The following BLACAT1 variants were observed in gnomAD, a reference collection of about 807,000 sequenced individuals.
The protein encoded by BLACAT1 is bladder cancer associated transcript 1.
At chr1:205,443,177 T>C (rs774214357) in intron 1 of BLACAT1, among the ~76,000 whole-genome samples, 1 of 151,960 alleles carries the variant, frequency 6.6e-6, no homozygotes, top group Non-Finnish European at 1.5e-5. Context: ...TGGGGAGAAA[T>C]TGACAGGCAC....
Position 205,444,954 on chromosome 1 carries a change from C to T in BLACAT1, c.-36-3892G>A, listed in dbSNP as rs545122614. Among the ~76,000 whole-genome samples, 155 of 151,214 alleles carry T rather than the reference C, an allele frequency of 1.0e-3. 1 individual carries two copies. Among genetic ancestry groups the T allele is most frequent in the African/African-American group, 3.6e-3 (150 of 41,126 alleles). On this transcript the variant is annotated intron_variant, in intron 1 of 1. Transcript: ENST00000629624. Reference sequence around the variant, plus strand: ...CCCAGTAAGGAGGGTGTGCCCTCGACGCCTCTAGAACAAAGCTGAGCCCTC... The same window carrying T: ...CCCAGTAAGGAGGGTGTGCCCTCGATGCCTCTAGAACAAAGCTGAGCCCTC...
chr1:205,440,872 C>A (rs1666281523), exon 2 of BLACAT1: 1 of 152,332 alleles, frequency 6.6e-6, no homozygotes, highest in Admixed American at 6.5e-5. Flanking sequence ...CAGAAGCAGG[C>A]ACCATCAGGC....
chr1:205,443,610 G>A (rs1264532745), intron 1 of BLACAT1, among the ~76,000 whole-genome samples: 1 of 152,156 alleles, frequency 6.6e-6, no homozygotes, highest in African/African-American at 2.4e-5. Flanking sequence ...GTATCTAAGA[G>A]TAGAAAGTAT....
downstream of BLACAT1, among the ~76,000 whole-genome samples, chr1:205,439,221 G>A (rs1666254804): frequency 6.6e-6 from 1 of 152,194 alleles, no homozygotes; most frequent in East Asian, 1.9e-4. Context: ...TCTGTCCTTT[G>A]TGACCCCACT....
At chr1:205,438,108 C>A (rs564799180), downstream of BLACAT1, among the ~76,000 whole-genome samples, 1 of 152,304 alleles carries the variant, frequency 6.6e-6, no homozygotes, top group East Asian at 1.9e-4. Context: ...CACAAGGACC[C>A]CAAGCACCCT....
exon 2 of BLACAT1, chr1:205,440,935 G>A (rs1048703912): frequency 2.4e-4 from 37 of 152,482 alleles, no homozygotes; most frequent in African/African-American, 7.7e-4. Context: ...TCACACCGCC[G>A]TCTCCCGCTC....
At chr1:205,455,714 G>A (rs1558749009) in intron 1 of BLACAT1, among the ~76,000 whole-genome samples, 1 of 152,050 alleles carries the variant, frequency 6.6e-6, no homozygotes, top group Admixed American at 6.5e-5. Flanking sequence ...ACCTAGGGCG[G>A]CGGCTGACGC....
intron 1 of BLACAT1, among the ~76,000 whole-genome samples, chr1:205,444,254 CCA>C (rs1235676997): frequency 3.9e-5 from 6 of 152,126 alleles, no homozygotes; most frequent in Non-Finnish European, 7.4e-5. Context: ...CCTCCTGCTA[CCA>C]CACAGTTGGC....
chr1:205,451,301 C>T (rs544980567), intron 1 of BLACAT1, among the ~76,000 whole-genome samples: 2 of 152,328 alleles, frequency 1.3e-5, no homozygotes, highest in African/African-American at 4.8e-5. Flanking sequence ...TCCCCCACAC[C>T]TACCACCAGT....
At chr1:205,442,881 G>A (rs1343268131) in intron 1 of BLACAT1, among the ~76,000 whole-genome samples, 1 of 152,184 alleles carries the variant, frequency 6.6e-6, no homozygotes, top group African/African-American at 2.4e-5. Context: ...TAGGTGGCCT[G>A]GGTTCTATTC....
At chr1:205,453,638 A>G (rs1467440959) in intron 1 of BLACAT1, among the ~76,000 whole-genome samples, 2 of 152,182 alleles carry the variant, frequency 1.3e-5, no homozygotes, top group Non-Finnish European at 2.9e-5. Flanking sequence ...GAAGATAGCA[A>G]GAGACCCAGG....
intron 1 of BLACAT1, among the ~76,000 whole-genome samples, chr1:205,454,870 A>G (rs1666544149): frequency 1.3e-5 from 2 of 152,302 alleles, no homozygotes; most frequent in African/African-American, 4.8e-5. Flanking sequence ...TATGTAAAAA[A>G]AAAAAAATCG....
chr1:205,454,109 A>G (rs1163104530), intron 1 of BLACAT1, among the ~76,000 whole-genome samples: 1 of 152,154 alleles, frequency 6.6e-6, no homozygotes, highest in African/African-American at 2.4e-5. Context: ...GGCTTCAGGG[A>G]CACCACTCAT....
exon 2 of BLACAT1, chr1:205,440,677 TC>T (rs1200604295): frequency 6.6e-6 from 1 of 152,498 alleles, no homozygotes; most frequent in African/African-American, 2.4e-5. Context: ...GTCCTGGGGT[TC>T]CCCCTTGTGT....
intron 1 of BLACAT1, among the ~76,000 whole-genome samples, chr1:205,455,600 G>A (rs1018251292): frequency 6.6e-6 from 1 of 152,160 alleles, no homozygotes; most frequent in African/African-American, 2.4e-5. Context: ...GGCTACCTCC[G>A]GAGCCAAGGC....
chr1:205,444,136 C>G (rs1020580386), intron 1 of BLACAT1, among the ~76,000 whole-genome samples: 2 of 152,214 alleles, frequency 1.3e-5, no homozygotes, highest in East Asian at 3.9e-4. Flanking sequence ...CATCCTCCCC[C>G]TCCTTTTCCA....
At chr1:205,446,586 G>A (rs1666393121) in intron 1 of BLACAT1, among the ~76,000 whole-genome samples, 1 of 152,222 alleles carries the variant, frequency 6.6e-6, no homozygotes, top group South Asian at 2.1e-4. Flanking sequence ...CAGTTGCAGG[G>A]GGCAGGAAGG....
intron 1 of BLACAT1, among the ~76,000 whole-genome samples, chr1:205,453,361 C>T (rs577952375): frequency 5.5e-4 from 83 of 152,276 alleles, no homozygotes; most frequent in Admixed American, 1.8e-3. Context: ...CCCTCTGCTC[C>T]GAGGTCCCAT....
At chr1:205,451,909 G>C (rs1033998741) in intron 1 of BLACAT1, among the ~76,000 whole-genome samples, 1 of 152,180 alleles carries the variant, frequency 6.6e-6, no homozygotes, top group South Asian at 2.1e-4. Context: ...TGCTCTTAGA[G>C]GAGAGGGTAG....
Sources: gnomAD v4.1 joint callset for allele counts (sites outside exome capture counted in the v4.1 genomes callset) on GRCh38, gnomAD v4.1.1 for gene constraint, MANE v1.5 for transcripts, NCBI Gene and HGNC (gene_info 2026-07-23, HGNC 2026-07-21) for gene names.